Variants in TARS3 observed in about 807,000 individuals in gnomAD.
TARS3 encodes the protein threonyl-tRNA synthetase 3.
A neutral mutation model predicts 103.5 loss-of-function variants in TARS3; 94 were observed. The observed-to-expected ratio is 0.91, with a 90% CI of 0.77 to 1.08. TARS3 has a LOEUF of 1.08. Among genes scored for constraint, TARS3 ranks in the 50% least tolerant of loss-of-function variants. The pLI is 0.00. For missense variants in TARS3, 952 were observed against 995.2 expected (o/e 0.96, Z 0.58); for synonymous variants, 416 against 355.4 (o/e 1.17, Z -1.92).
chr15:101,671,796 T>A, intron 13 of TARS3, 48 bp from the exon 14 acceptor site: 1 of 1,500,412 alleles, frequency 6.7e-7, no homozygotes, highest in East Asian at 2.3e-5. Flanking sequence ...GTATCTTTTT[T>A]TTTTACATAC....
At chr15:101,692,819 C>A (rs1898786927) in intron 10 of TARS3, among the ~76,000 whole-genome samples, 1 of 152,246 alleles carries the variant, frequency 6.6e-6, no homozygotes, top group South Asian at 2.1e-4. Context: ...TTCAGTTAAA[C>A]CCTTGGAGTG....
chr15:101,681,482 T>C (rs1178454713), intron 12 of TARS3, among the ~76,000 whole-genome samples: 3 of 152,252 alleles, frequency 2.0e-5, no homozygotes, highest in East Asian at 1.9e-4. Context: ...ACTGTATAGG[T>C]TGTGTATGTA....
intron 12 of TARS3, among the ~76,000 whole-genome samples, chr15:101,680,689 A>T (rs1274954263): frequency 1.3e-5 from 2 of 152,298 alleles, no homozygotes; most frequent in Middle Eastern, 6.8e-3. Flanking sequence ...TTTGTTAAGT[A>T]TTCTGGATTC....
chr15:101,670,791 C>T (rs1897763921), intron 15 of TARS3, among the ~76,000 whole-genome samples: 1 of 152,188 alleles, frequency 6.6e-6, no homozygotes, highest in East Asian at 1.9e-4. Context: ...TCCACAATGG[C>T]ACACTAGTCA....
intron 15 of TARS3, among the ~76,000 whole-genome samples, chr15:101,662,032 T>C (rs1897401868): frequency 2.0e-5 from 3 of 152,222 alleles, no homozygotes; most frequent in African/African-American, 4.8e-5. Context: ...CTGAAACATA[T>C]ACAAAAGTAG....
intron 10 of TARS3, among the ~76,000 whole-genome samples, chr15:101,700,279 A>T (rs1412012849): frequency 6.6e-5 from 10 of 152,210 alleles, no homozygotes; most frequent in Non-Finnish European, 1.5e-4. Flanking sequence ...AATACTAAAG[A>T]CTTTCCCACC....
chr15:101,671,579 A>C lies in TARS3; in HGVS notation c.1874T>G (p.Ile625Arg). ...DGAFYGPKID[I>R]KIKDAIGRYH... ...TCTGCCAATAGCATCCTTGATTTTT[A>C]TGTCAATCTACAAATTAAATAATGT... is the stretch of plus-strand genomic sequence containing the variant. The change falls in exon 15 of 19, where the codon ATA becomes AGA. Residue 625 changes from isoleucine to arginine, a missense_variant. By Grantham distance (97) the Ile-to-Arg change is moderately conservative. Transcript: ENST00000335968. 1 of 1,610,876 alleles carries C rather than the reference A, an allele frequency of 6.2e-7. No homozygotes were observed. Among genetic ancestry groups the C allele is most frequent in the Non-Finnish European group, 8.5e-7 (1 of 1,177,258 alleles).
chr15:101,665,825 A>C (rs1340373265), intron 15 of TARS3, among the ~76,000 whole-genome samples: 1 of 152,224 alleles, frequency 6.6e-6, no homozygotes, highest in Non-Finnish European at 1.5e-5. Flanking sequence ...ATAATGTAAA[A>C]TATTTTTTAA....
At position 101,653,998 on chromosome 15, in the gene TARS3, G is replaced by A. The variant is rs1165331257; in HGVS notation, c.*584C>T. 1 of 152,210 alleles carries A rather than the reference G, an allele frequency of 6.6e-6. No homozygotes were observed. The highest frequency in any genetic ancestry group is 6.5e-5 in the Admixed American group (1 of 15,284). The allele number at this position is 152,210 out of a possible 1,614,324, so 9.4% of individuals were successfully genotyped here. ...CGGAACAAAACCTAATTATGAATAAGAAACATTTAAATGGCAACTCTTAAC... is the reference window on the plus strand; with the variant it reads ...CGGAACAAAACCTAATTATGAATAAAAAACATTTAAATGGCAACTCTTAAC... On this transcript the variant is annotated 3_prime_UTR_variant, in exon 19 of 19. Transcript: ENST00000335968.
chr15:101,656,003 C>T, intron 18 of TARS3: 3 of 1,289,204 alleles, frequency 2.3e-6, no homozygotes, highest in Non-Finnish European at 3.0e-6. Flanking sequence ...TCTTGCCACA[C>T]AGAAGGAAGA....
At chr15:101,671,121 A>T (rs923529893) in intron 15 of TARS3, among the ~76,000 whole-genome samples, 21 of 152,196 alleles carry the variant, frequency 1.4e-4, no homozygotes, top group African/African-American at 4.8e-4. Context: ...GTTGGTTTAC[A>T]GTGATAAAAT....
chr15:101,707,171 A>T (rs971418992), intron 6 of TARS3, among the ~76,000 whole-genome samples: 2 of 149,188 alleles, frequency 1.3e-5, no homozygotes, highest in South Asian at 2.1e-4. Flanking sequence ...GTCCATGATT[A>T]AAAAAAAAAC....
chr15:101,713,722 T>G (rs1055138234), intron 4 of TARS3, among the ~76,000 whole-genome samples: 4 of 152,172 alleles, frequency 2.6e-5, no homozygotes, highest in African/African-American at 9.7e-5. Flanking sequence ...GGGGTTAAAA[T>G]CGAAAATTTC....
chr15:101,724,201 C>T lies in TARS3; in HGVS notation c.187G>A (p.Asp63Asn), dbSNP rs753707417. 7.9e-6 allele frequency: 12 copies of T among 1,525,744 alleles called. No individual in the cohort carries two copies. The highest frequency in any genetic ancestry group is 6.0e-5 in the Admixed American group (3 of 50,314). The allele number at this position is 1,525,744 out of a possible 1,614,324, so 94.5% of individuals were successfully genotyped here. ...EVAQLRAENC[D>N]LRHRLCSLRL... ...AGGCTGCACAGGCGGTGGCGCAGGTCGCAGTTCTCGGCCCGGAGCTGCGCC... is the reference window on the plus strand; with the variant it reads ...AGGCTGCACAGGCGGTGGCGCAGGTTGCAGTTCTCGGCCCGGAGCTGCGCC... Residue 63 changes from aspartate (D) to asparagine (N), a missense_variant, in exon 1 of 19, where the codon GAC becomes AAC. Physicochemically the swap from Asp to Asn is conservative, Grantham distance 23 (BLOSUM62 1). This residue lies in a region of TARS3 where 412 missense variants were observed against 364.2 expected (regional missense o/e 1.13). Transcript: ENST00000335968.
chr15:101,662,778 C>A (rs1415275910), intron 15 of TARS3, among the ~76,000 whole-genome samples: 1 of 152,166 alleles, frequency 6.6e-6, no homozygotes, highest in Non-Finnish European at 1.5e-5. Flanking sequence ...GAGAAGCAAA[C>A]TGATCCTTTC....
chr15:101,682,857 G>A (rs1354102257), intron 12 of TARS3, among the ~76,000 whole-genome samples: 1 of 152,110 alleles, frequency 6.6e-6, no homozygotes, highest in Admixed American at 6.5e-5. Flanking sequence ...CTTGAGTAAA[G>A]TTTAATAGTT....
At chr15:101,690,152 C>A (rs1188362451) in intron 10 of TARS3, among the ~76,000 whole-genome samples, 1 of 152,182 alleles carries the variant, frequency 6.6e-6, no homozygotes, top group African/African-American at 2.4e-5. Flanking sequence ...CTGAGAGGCA[C>A]AGGGGGTGAG....
rs1404330395 is a variant in TARS3 at position 101,654,010 on chromosome 15, T to C, written c.*572A>G. The C allele has an allele frequency of 6.6e-6, 1 of 152,258 alleles. No individual in the cohort carries two copies. Among genetic ancestry groups the C allele is most frequent in the East Asian group, 1.9e-4 (1 of 5,204 alleles). 9.4% of individuals were successfully genotyped at this position (152,258 alleles called of 1,614,324 possible). A position where few individuals can be genotyped will look rare whatever the true frequency, so the allele number is the denominator to read the frequency against. On this transcript the variant is annotated 3_prime_UTR_variant, in exon 19 of 19. Coordinates refer to ENST00000335968, the MANE Select transcript of TARS3 (RefSeq NM_152334.3). ...TAATTATGAATAAGAAACATTTAAA[T>C]GGCAACTCTTAACCTATAGTGCAAA...
At chr15:101,673,060 G>C (rs1360326055) in intron 13 of TARS3, among the ~76,000 whole-genome samples, 1 of 152,210 alleles carries the variant, frequency 6.6e-6, no homozygotes, top group Non-Finnish European at 1.5e-5. Context: ...GATACATGAA[G>C]ATGTGTCTCT....
Sources: gnomAD v4.1 joint callset for allele counts (sites outside exome capture counted in the v4.1 genomes callset) on GRCh38, gnomAD v4.1.1 for gene constraint, gnomAD v4.1.1 regional missense constraint, MANE v1.5 for transcripts, NCBI Gene and HGNC (gene_info 2026-07-23, HGNC 2026-07-21) for gene names.